Variants in AIG1 observed in about 807,000 individuals in gnomAD.
AIG1 encodes the protein androgen induced 1, also known as androgen-induced gene 1 protein.
In AIG1, 23 loss-of-function variants were observed where a neutral mutation model predicts 31.4. The observed-to-expected ratio is 0.73, with a 90% CI of 0.53 to 1.04. The LOEUF is 1.04. Among genes scored for constraint, AIG1 ranks in the 50% least tolerant of loss-of-function variants. The pLI, the probability that AIG1 is intolerant of heterozygous loss-of-function variation, is 0.00. For missense variants in AIG1, 274 were observed against 295.0 expected, an observed-to-expected ratio of 0.93 and a Z score of 0.52; for synonymous variants, 100 against 110.5, an observed-to-expected ratio of 0.90 and a Z score of 0.60.
At chr6:143,335,222 T>C (rs1002999733) in intron 5 of AIG1, 1 of 1,080,308 alleles carries the variant, frequency 9.3e-7, no homozygotes, top group Non-Finnish European at 1.2e-6. Context: ...TTTTTGTTTT[T>C]GAATCAGTAT....
chr6:143,234,465 C>G (rs982555607), intron 3 of AIG1, among the ~76,000 whole-genome samples: 2 of 152,146 alleles, frequency 1.3e-5, no homozygotes, highest in East Asian at 3.8e-4. Flanking sequence ...TCAGAGTTCC[C>G]CCACCTGGTT....
chr6:143,238,228 A>G (rs529580435), intron 3 of AIG1, among the ~76,000 whole-genome samples: 221 of 152,312 alleles, frequency 1.5e-3, no homozygotes, highest in Middle Eastern at 3.4e-3. Flanking sequence ...GGCGTGAGCC[A>G]CCGCACCCGG....
At chr6:143,341,095 A>G (rs1777840817), downstream of AIG1, among the ~76,000 whole-genome samples, 1 of 152,170 alleles carries the variant, frequency 6.6e-6, no homozygotes. Flanking sequence ...TCCCACACAC[A>G]TTCACTCTAT....
intron 3 of AIG1, chr6:143,188,244 G>T (rs1169193127): frequency 2.0e-6 from 2 of 988,824 alleles, no homozygotes; most frequent in Non-Finnish European, 2.4e-6. Context: ...TCTTTCCTCA[G>T]TAGGCACACT....
At chr6:143,137,105 G>A (rs1303924710) in intron 2 of AIG1, 115 bp downstream of exon 2, 45 of 1,149,370 alleles carry the variant, frequency 3.9e-5, no homozygotes, top group Non-Finnish European at 5.0e-5. Context: ...TAGTTTGCTG[G>A]AGCTGTCAGT....
At chr6:143,078,269 T>C (rs1005108149) in intron 1 of AIG1, among the ~76,000 whole-genome samples, 3 of 152,362 alleles carry the variant, frequency 2.0e-5, no homozygotes, top group African/African-American at 7.2e-5. Context: ...TTCATTCATT[T>C]TAACAGTGTT....
intron 4 of AIG1, among the ~76,000 whole-genome samples, chr6:143,323,767 T>G (rs1269487688): frequency 6.6e-6 from 1 of 152,082 alleles, no homozygotes; most frequent in African/African-American, 2.4e-5. Context: ...TCACCCCACC[T>G]GACACAGAGT....
At chr6:143,189,319 G>A (rs907057291) in intron 3 of AIG1, 46 of 817,212 alleles carry the variant, frequency 5.6e-5, no homozygotes, top group South Asian at 2.8e-4. Context: ...GGCCTCAAGC[G>A]ATCCTCCTGC....
intron 3 of AIG1, among the ~76,000 whole-genome samples, chr6:143,263,100 A>T (rs1271686356): frequency 6.6e-6 from 1 of 152,198 alleles, no homozygotes; most frequent in Non-Finnish European, 1.5e-5. Context: ...GGAAGATCCG[A>T]TTAGTACATC....
intron 2 of AIG1, among the ~76,000 whole-genome samples, chr6:143,140,247 C>T (rs866372269): frequency 5.9e-5 from 9 of 152,302 alleles, no homozygotes; most frequent in East Asian, 1.9e-4. Context: ...GTCCCTCCCA[C>T]GACACACAGA....
intron 3 of AIG1, among the ~76,000 whole-genome samples, chr6:143,233,798 G>A (rs911070942): frequency 3.3e-5 from 5 of 152,168 alleles, no homozygotes; most frequent in African/African-American, 4.8e-5. Flanking sequence ...TTCACTATGT[G>A]CAGAAAACTC....
rs1172320764 is a variant in AIG1, at chr6:143,318,457, C to T, written c.516-14825C>T. ...TAGAAGAATGAAACTGGATCCTCAT[C>T]TTTCACCTTATACAGAAATCAACTC... On this transcript the variant is annotated intron_variant, in intron 4 of 5. Transcript: ENST00000357847. Among the ~76,000 whole-genome samples the T allele has an allele frequency of 3.9e-5, 6 of 152,112 alleles. No individual in the cohort carries two copies. In the South Asian group the frequency reaches 6.2e-4, roughly 16 times the overall value.
At chr6:143,241,841 A>G (rs766958614) in intron 3 of AIG1, among the ~76,000 whole-genome samples, 4 of 152,126 alleles carry the variant, frequency 2.6e-5, no homozygotes, top group Non-Finnish European at 4.4e-5. Flanking sequence ...CCTAACACAA[A>G]CTTTGTTTTA....
intron 1 of AIG1, among the ~76,000 whole-genome samples, chr6:143,105,397 C>A (rs565730355): frequency 4.6e-5 from 7 of 152,162 alleles, no homozygotes; most frequent in Non-Finnish European, 8.8e-5. Flanking sequence ...CACCAGGAAG[C>A]GCAGAAATCT....
At chr6:143,242,043 T>A (rs1794279516) in intron 3 of AIG1, among the ~76,000 whole-genome samples, 1 of 152,136 alleles carries the variant, frequency 6.6e-6, no homozygotes, top group Non-Finnish European at 1.5e-5. Flanking sequence ...AACCTGTGTA[T>A]CCCTAAGTCA....
intron 4 of AIG1, among the ~76,000 whole-genome samples, chr6:143,309,749 T>A (rs1775115923): frequency 6.6e-6 from 1 of 152,020 alleles, no homozygotes; most frequent in Admixed American, 6.6e-5. Context: ...TACATGTTTC[T>A]ACAAGAAACT....
intron 3 of AIG1, among the ~76,000 whole-genome samples, chr6:143,180,020 C>T (rs1788571342): frequency 6.6e-6 from 1 of 152,188 alleles, no homozygotes; most frequent in Non-Finnish European, 1.5e-5. Flanking sequence ...AAGAATGTCA[C>T]ATTTACATTT....
chr6:143,080,991 C>T (rs1361646620), intron 1 of AIG1, among the ~76,000 whole-genome samples: 3 of 152,074 alleles, frequency 2.0e-5, no homozygotes, highest in Non-Finnish European at 4.4e-5. Context: ...TTTAAGAACT[C>T]GTTGATATTT....
At chr6:143,110,942 T>G (rs899868047) in intron 1 of AIG1, among the ~76,000 whole-genome samples, 2 of 152,242 alleles carry the variant, frequency 1.3e-5, no homozygotes, top group African/African-American at 4.8e-5. Context: ...TGGATTTACC[T>G]TCTTAAATCT....
Sources: allele counts gnomAD v4.1 joint callset (sites outside exome capture counted in the v4.1 genomes callset), GRCh38; gene constraint gnomAD v4.1.1; transcripts MANE v1.5; gene names NCBI Gene and HGNC (gene_info 2026-07-23, HGNC 2026-07-21).